LYZL2: variants seen among roughly 807,000 people sequenced by gnomAD.
LYZL2 encodes the protein lysozyme-like protein 2.
LYZL2 carries 13 observed loss-of-function variants against 17.1 expected under a neutral mutation model. That is an observed-to-expected ratio of 0.76 (90% CI 0.49 to 1.21). The LOEUF (loss-of-function observed/expected upper bound fraction) is 1.21, where lower values mean the gene tolerates loss of function less well. Ranked by LOEUF, LYZL2 falls within the 50% of genes most tolerant of loss-of-function variation. LYZL2 has a pLI of 0.00. For missense variants in LYZL2, 166 were observed against 189.2 expected (o/e 0.88, Z 0.72); for synonymous variants, 63 against 74.4 (o/e 0.85, Z 0.79).
chr10:30,618,706 C>A lies in LYZL2; in HGVS notation c.299-5806G>T, dbSNP rs570273403. Among the ~76,000 whole-genome samples the A allele has an allele frequency of 3.5e-4, 53 of 152,206 alleles. No homozygotes were observed. In the Middle Eastern group the frequency reaches 0.01, roughly 29 times the overall value. ...TGGACTAAAGACTTAAATGTTAGAC[C>A]TAAAACCATAAAAACCCTAGAAGAA... On this transcript the variant is annotated intron_variant, in intron 3 of 4. Transcript: ENST00000647634.
chr10:30,612,991 T>G, intron 3 of LYZL2, 91 bp from the exon 4 acceptor site: 3 of 966,848 alleles, frequency 3.1e-6, no homozygotes, highest in Non-Finnish European at 4.9e-6. Flanking sequence ...TCAGTCTTTT[T>G]GGGATGGGAA....
intron 3 of LYZL2, among the ~76,000 whole-genome samples, chr10:30,619,301 A>G (rs9416925): frequency 0.57 from 86,340 of 151,678 alleles, 25,122 homozygotes; most frequent in Middle Eastern, 0.61. Context: ...TAGAAATACC[A>G]TTTGACGCAG....
intron 2 of LYZL2, among the ~76,000 whole-genome samples, chr10:30,626,564 A>C (rs1409358032): frequency 6.6e-6 from 1 of 152,136 alleles, no homozygotes; most frequent in African/African-American, 2.4e-5. Flanking sequence ...GGCTAGTGTC[A>C]TAAGGACAGG....
chr10:30,606,670 C>T, the LYZL2 span, among the ~76,000 whole-genome samples: 526 of 152,254 alleles, frequency 3.5e-3, 2 homozygotes, highest in African/African-American at 0.012. Context: ...TCTGTACTCA[C>T]GGAGCTAGTC....
chr10:30,612,053 A>G, intron 4 of LYZL2, 29 bp from the exon 5 acceptor site: 1 of 1,611,318 alleles, frequency 6.2e-7, no homozygotes, highest in Non-Finnish European at 8.5e-7. Context: ...CAAGAGCAGC[A>G]GAAAGAAGCG....
chr10:30,627,909 C>A (rs532690837), intron 1 of LYZL2, among the ~76,000 whole-genome samples: 1 of 152,188 alleles, frequency 6.6e-6, no homozygotes, highest in Admixed American at 6.5e-5. Context: ...CCTGTAATCC[C>A]GGCACTTTGG....
downstream of LYZL2, among the ~76,000 whole-genome samples, chr10:30,609,701 T>C (rs1838411070): frequency 6.6e-6 from 1 of 152,148 alleles, no homozygotes; most frequent in Admixed American, 6.5e-5. Context: ...AAAATGAAAA[T>C]CTACTTCCAA....
rs373396792 is a variant in LYZL2, at chr10:30,621,118, G to A, written c.298+4987C>T. The stretch of plus-strand genomic sequence containing the variant: ...CAAAATGTTAATGAATACCAAGTAA[G>A]ATAAACACAAATATCACACATCATC... On this transcript the variant is annotated intron_variant, in intron 3 of 4. Coordinates refer to ENST00000647634, the MANE Select transcript of LYZL2 (RefSeq NM_183058.3). 1.1e-3 allele frequency among the ~76,000 whole-genome samples: 160 copies of A among 152,172 alleles called. 2 individuals are homozygous for A. The highest frequency in any genetic ancestry group is 3.7e-3 in the African/African-American group (152 of 41,518).
At chr10:30,606,672 G>C in the LYZL2 span, among the ~76,000 whole-genome samples, 6 of 152,248 alleles carry the variant, frequency 3.9e-5, no homozygotes, top group South Asian at 1.2e-3. Context: ...TGTACTCACG[G>C]AGCTAGTCTC....
chr10:30,610,628 T>C (rs976953912), downstream of LYZL2, among the ~76,000 whole-genome samples: 5 of 152,192 alleles, frequency 3.3e-5, no homozygotes, highest in African/African-American at 1.2e-4. Flanking sequence ...AGACAGAGTC[T>C]TGCTATGTTG....
intron 3 of LYZL2, among the ~76,000 whole-genome samples, chr10:30,613,253 T>C (rs1838474231): frequency 6.6e-6 from 1 of 152,052 alleles, no homozygotes. Context: ...TCCCAGTACT[T>C]TGGGAGGCCA....
At chr10:30,628,117 G>A (rs1319143676) in intron 1 of LYZL2, among the ~76,000 whole-genome samples, 4 of 151,976 alleles carry the variant, frequency 2.6e-5, no homozygotes, top group East Asian at 1.9e-4. Context: ...CGGAGATTGC[G>A]CCACTGCACT....
At chr10:30,627,435 C>T (rs1157639877) in intron 1 of LYZL2, among the ~76,000 whole-genome samples, 3 of 151,566 alleles carry the variant, frequency 2.0e-5, no homozygotes, top group Admixed American at 6.6e-5. Flanking sequence ...AGTGTGAAGA[C>T]CACCAGGATG....
At chr10:30,612,711 T>G (rs1228346816) in intron 4 of LYZL2, 111 bp downstream of exon 4, 7 of 751,162 alleles carry the variant, frequency 9.3e-6, no homozygotes. Flanking sequence ...CTCCTTCCAT[T>G]GGTTGGACCA....
At chr10:30,610,214 T>C (rs1253606192), downstream of LYZL2, among the ~76,000 whole-genome samples, 2 of 152,180 alleles carry the variant, frequency 1.3e-5, no homozygotes, top group Non-Finnish European at 2.9e-5. Context: ...GGGCTGGGTT[T>C]GAAAAGCTTG....
downstream of LYZL2, among the ~76,000 whole-genome samples, chr10:30,608,004 A>G (rs138886148): frequency 5.2e-4 from 79 of 152,288 alleles, no homozygotes; most frequent in East Asian, 0.015. Flanking sequence ...GGGCAGTGGT[A>G]TAATTACAGC....
intron 2 of LYZL2, 131 bp from the exon 3 acceptor site, chr10:30,626,394 C>T (rs560142886): frequency 4.7e-5 from 66 of 1,419,164 alleles, no homozygotes; most frequent in Admixed American, 1.0e-4. Flanking sequence ...CAGGGCAGGG[C>T]GGGCATGTGC....
intron 3 of LYZL2, among the ~76,000 whole-genome samples, chr10:30,620,743 A>G (rs568346436): frequency 1.5e-4 from 23 of 152,346 alleles, no homozygotes; most frequent in Admixed American, 3.3e-4. Context: ...ATGATGATTT[A>G]TATCAAGGAC....
At chr10:30,620,369 T>A (rs992252856) in intron 3 of LYZL2, among the ~76,000 whole-genome samples, 1 of 152,238 alleles carries the variant, frequency 6.6e-6, no homozygotes, top group African/African-American at 2.4e-5. Context: ...GCATCCCTGG[T>A]ACCAGTCTTT....
Sources: gnomAD v4.1 joint callset for allele counts (sites outside exome capture counted in the v4.1 genomes callset) on GRCh38, gnomAD v4.1.1 for gene constraint, MANE v1.5 for transcripts, NCBI Gene and HGNC (gene_info 2026-07-23, HGNC 2026-07-21) for gene names.